The following DOCK2 variants were observed in gnomAD, a reference collection of about 807,000 sequenced individuals.
DOCK2 encodes dedicator of cytokinesis 2, also known as dedicator of cytokinesis protein 2.
In DOCK2, 87 loss-of-function variants were observed where a neutral mutation model predicts 248.9. The observed-to-expected ratio is 0.35, with a 90% CI of 0.29 to 0.42. The LOEUF (loss-of-function observed/expected upper bound fraction) is 0.42. DOCK2 is among the 10% of genes least tolerant of loss of function. DOCK2 has a pLI of 1.00. For missense variants in DOCK2, 1,747 were observed against 2,300.2 expected, an observed-to-expected ratio of 0.76 and a Z score of 4.92; for synonymous variants, 805 against 821.6, an observed-to-expected ratio of 0.98 and a Z score of 0.35.
At chr5:169,803,839 C>T (rs1767145203) in intron 26 of DOCK2, among the ~76,000 whole-genome samples, 1 of 152,000 alleles carries the variant, frequency 6.6e-6, no homozygotes, top group Non-Finnish European at 1.5e-5. Context: ...AGAAGATAAG[C>T]CAGATGGGGT....
chr5:169,702,488 G>C (rs917365476), intron 14 of DOCK2, 61 bp downstream of exon 14: 133 of 1,600,224 alleles, frequency 8.3e-5, no homozygotes, highest in Non-Finnish European at 1.1e-4. Flanking sequence ...TGCTTGTAAA[G>C]ACGTACTTTT....
At chr5:170,040,980 G>C in intron 36 of DOCK2, 75 bp from the exon 37 acceptor site, 1 of 1,340,742 alleles carries the variant, frequency 7.5e-7, no homozygotes, top group African/African-American at 1.5e-5. Context: ...TTGTTCTCTG[G>C]GCTCCTGCTT....
rs375183051 is a variant in DOCK2 at position 169,883,668 on chromosome 5, G to T, written c.2799+42816G>T. The T allele has an allele frequency of 1.5e-4, 240 of 1,550,870 alleles. No individual in the cohort carries two copies. In the African/African-American group the frequency reaches 2.5e-3, roughly 16 times the overall value. On this transcript the variant is annotated intron_variant, in intron 27 of 51. Coordinates refer to ENST00000520908, the MANE Select transcript of DOCK2 (RefSeq NM_004946.3). ...ACCTGGGGAAGGAGAGCGAGTAGGT[G>T]GGGGGAAGATGGTGCCTGGTTGCTT...
At position 170,036,495 on chromosome 5, in the gene DOCK2, G is replaced by A; in HGVS notation, c.3625-20G>A. 6.2e-7 allele frequency: 1 copy of A among 1,612,136 alleles called. No homozygotes were observed. The highest frequency in any genetic ancestry group is 8.5e-7 in the Non-Finnish European group (1 of 1,178,892). On this transcript the variant is annotated intron_variant, in intron 35 of 51. Transcript: ENST00000520908. ...ATTGCAGAGAACAACACTCATCATTGTTTTTCCTCCCCTACCTAGAATTTC... is the reference window on the plus strand; with the variant it reads ...ATTGCAGAGAACAACACTCATCATTATTTTTCCTCCCCTACCTAGAATTTC...
intron 24 of DOCK2, 142 bp downstream of exon 24, chr5:169,759,917 T>C: frequency 1.2e-6 from 1 of 855,212 alleles, no homozygotes. Context: ...TTTCAGGGTT[T>C]CCGGTGTGGT....
chr5:169,708,051 G>A (rs1761371798), intron 14 of DOCK2, 118 bp from the exon 15 acceptor site: 4 of 949,334 alleles, frequency 4.2e-6, no homozygotes, highest in African/African-American at 1.6e-5. Flanking sequence ...ATGAGGGCTA[G>A]GGAAGGCAGG....
At chr5:169,883,236 G>C in intron 27 of DOCK2, 1 of 1,551,606 alleles carries the variant, frequency 6.4e-7, no homozygotes, top group South Asian at 1.2e-5. Flanking sequence ...TGTCTGGGCT[G>C]AGAGCAGACT....
chr5:169,721,030 T>A (rs1167648243), intron 22 of DOCK2, among the ~76,000 whole-genome samples: 1 of 151,888 alleles, frequency 6.6e-6, no homozygotes, highest in African/African-American at 2.4e-5. Context: ...CCAGTATAAC[T>A]CTCTCATGTC....
chr5:169,895,994 A>G (rs1453863769), intron 27 of DOCK2, among the ~76,000 whole-genome samples: 2 of 152,122 alleles, frequency 1.3e-5, no homozygotes, highest in Non-Finnish European at 1.5e-5. Flanking sequence ...TGTGAATGCT[A>G]TGATCTCAAG....
chr5:170,042,270 C>T, intron 38 of DOCK2, 138 bp downstream of exon 38: 1 of 1,112,184 alleles, frequency 9.0e-7, no homozygotes, highest in Non-Finnish European at 1.2e-6. Flanking sequence ...CTCTCCACTT[C>T]CTCTCCATCT....
chr5:169,882,537 A>C, intron 27 of DOCK2: 1 of 1,519,744 alleles, frequency 6.6e-7, no homozygotes, highest in Non-Finnish European at 8.9e-7. Context: ...TTAATATGAA[A>C]AAAAAATCTC....
At chr5:169,844,197 T>C (rs1770166553) in intron 27 of DOCK2, among the ~76,000 whole-genome samples, 1 of 152,158 alleles carries the variant, frequency 6.6e-6, no homozygotes, top group African/African-American at 2.4e-5. Flanking sequence ...TCCCTGAAAC[T>C]AGGAGGGAGC....
At chr5:169,954,465 C>T (rs918974311) in intron 27 of DOCK2, among the ~76,000 whole-genome samples, 4 of 152,152 alleles carry the variant, frequency 2.6e-5, no homozygotes, top group Non-Finnish European at 4.4e-5. Flanking sequence ...TCAGGTAAGG[C>T]AATAGATGAA....
intron 27 of DOCK2, among the ~76,000 whole-genome samples, chr5:169,928,688 C>T (rs1561831474): frequency 6.6e-6 from 1 of 152,046 alleles, no homozygotes; most frequent in African/African-American, 2.4e-5. Flanking sequence ...AAGCGTAAAG[C>T]ATTAGAAAAA....
chr5:169,811,621 C>A (rs901155239), intron 26 of DOCK2, among the ~76,000 whole-genome samples: 1 of 152,186 alleles, frequency 6.6e-6, no homozygotes, highest in African/African-American at 2.4e-5. Flanking sequence ...AATGGCACAA[C>A]TTCTATGGAT....
intron 23 of DOCK2, among the ~76,000 whole-genome samples, chr5:169,758,132 A>G (rs1312379514): frequency 1.3e-5 from 2 of 152,362 alleles, no homozygotes; most frequent in Non-Finnish European, 2.9e-5. Flanking sequence ...GGTGGGCTGA[A>G]GAAGGTATAA....
intron 26 of DOCK2, among the ~76,000 whole-genome samples, chr5:169,826,270 A>T (rs1017651634): frequency 9.2e-5 from 14 of 152,178 alleles, no homozygotes; most frequent in African/African-American, 3.4e-4. Flanking sequence ...GCCTGGGGTA[A>T]GGTGGAAGTT....
At chr5:169,989,861 ATATTTC>A (rs1384706297) in intron 29 of DOCK2, among the ~76,000 whole-genome samples, 20 of 152,176 alleles carry the variant, frequency 1.3e-4, no homozygotes, top group Admixed American at 1.3e-3. Context: ...TTTTTATTTT[ATATTTC>A]TATTTCTATG....
At chr5:169,638,444 T>C (rs908722900) in intron 1 of DOCK2, among the ~76,000 whole-genome samples, 1 of 152,212 alleles carries the variant, frequency 6.6e-6, no homozygotes, top group Non-Finnish European at 1.5e-5. Flanking sequence ...TGAGGAGTTA[T>C]GTGTAAGGCT....
Sources: allele counts gnomAD v4.1 joint callset (sites outside exome capture counted in the v4.1 genomes callset), GRCh38; gene constraint gnomAD v4.1.1; transcripts MANE v1.5; gene names NCBI Gene and HGNC (gene_info 2026-07-23, HGNC 2026-07-21).